KCNN2: variants seen among roughly 807,000 people sequenced by gnomAD.
KCNN2 encodes small conductance calcium-activated potassium channel protein 2.
KCNN2 carries 24 observed loss-of-function variants against 55.5 expected under a neutral mutation model. The ratio of observed to expected loss-of-function variants is 0.43; its 90% CI spans 0.31 to 0.61. KCNN2 has a LOEUF of 0.61. Among genes scored for constraint, KCNN2 ranks in the 20% least tolerant of loss-of-function variants. The pLI, the probability that KCNN2 is intolerant of heterozygous loss-of-function variation, is 0.08. For missense variants in KCNN2, 754 were observed against 853.6 expected, an observed-to-expected ratio of 0.88 and a Z score of 1.45; for synonymous variants, 431 against 336.1, an observed-to-expected ratio of 1.28 and a Z score of -3.09.
chr5:114,175,515 A>G (rs1308923126), intron 1 of KCNN2, among the ~76,000 whole-genome samples: 1 of 152,152 alleles, frequency 6.6e-6, no homozygotes, highest in Non-Finnish European at 1.5e-5. Flanking sequence ...ACTTTTGTTG[A>G]TATACTCAAA....
intron 4 of KCNN2, among the ~76,000 whole-genome samples, chr5:114,471,293 CCT>C (rs1315766910): frequency 6.7e-6 from 1 of 148,930 alleles, no homozygotes; most frequent in African/African-American, 2.5e-5. Flanking sequence ...CTAGGTACAT[CCT>C]CCTGTGTACT....
At chr5:114,371,337 TGA>T (rs1186711212) in intron 2 of KCNN2, among the ~76,000 whole-genome samples, 1 of 152,128 alleles carries the variant, frequency 6.6e-6, no homozygotes. Flanking sequence ...ATGAAATCAC[TGA>T]GAGAGAATAG....
At chr5:114,332,914 T>C (rs1364485922) in intron 2 of KCNN2, among the ~76,000 whole-genome samples, 1 of 152,028 alleles carries the variant, frequency 6.6e-6, no homozygotes. Flanking sequence ...TGGGAAGGAG[T>C]CCTCTCAATG....
intron 2 of KCNN2, among the ~76,000 whole-genome samples, chr5:114,304,750 A>C (rs1756233975): frequency 6.6e-6 from 1 of 152,228 alleles, no homozygotes; most frequent in South Asian, 2.1e-4. Context: ...CCCTTCTTCC[A>C]TGGAACCCCC....
chr5:114,188,620 C>G (rs1753386495), intron 1 of KCNN2, among the ~76,000 whole-genome samples: 1 of 152,066 alleles, frequency 6.6e-6, no homozygotes, highest in Non-Finnish European at 1.5e-5. Context: ...ATTCAGCAAG[C>G]TTTTTGAATG....
chr5:114,168,227 C>A (rs1752960672), intron 1 of KCNN2, among the ~76,000 whole-genome samples: 1 of 151,506 alleles, frequency 6.6e-6, no homozygotes, highest in Non-Finnish European at 1.5e-5. Context: ...GATAAATACA[C>A]ACACATATAC....
chr5:114,368,144 C>T (rs936610825), intron 2 of KCNN2, among the ~76,000 whole-genome samples: 5 of 152,162 alleles, frequency 3.3e-5, no homozygotes, highest in Admixed American at 2.0e-4. Context: ...AACCCTCATA[C>T]AGACGGTTGA....
chr5:114,422,177 GC>G (rs1377263961), intron 3 of KCNN2, among the ~76,000 whole-genome samples: 2 of 152,266 alleles, frequency 1.3e-5, no homozygotes, highest in African/African-American at 2.4e-5. Context: ...AATCAAGGGG[GC>G]TATTTTAGAC....
At chr5:114,246,641 G>T (rs1346717532) in intron 2 of KCNN2, among the ~76,000 whole-genome samples, 6 of 152,058 alleles carry the variant, frequency 3.9e-5, no homozygotes, top group African/African-American at 1.4e-4. Flanking sequence ...AACTAAACAG[G>T]TATTTGTGAT....
intron 2 of KCNN2, among the ~76,000 whole-genome samples, chr5:114,222,328 A>T (rs1754157742): frequency 6.6e-6 from 1 of 152,186 alleles, no homozygotes; most frequent in African/African-American, 2.4e-5. Flanking sequence ...TACCAAAGGC[A>T]GCCTCAAAGA....
chr5:114,100,680 AC>A (rs1252855721), intron 1 of KCNN2, among the ~76,000 whole-genome samples: 15 of 152,092 alleles, frequency 9.9e-5, no homozygotes, highest in African/African-American at 3.4e-4. Flanking sequence ...TGGAGCCCAG[AC>A]TTTGATTTCT....
At chr5:114,282,028 T>C (rs1755635057) in intron 2 of KCNN2, among the ~76,000 whole-genome samples, 2 of 152,152 alleles carry the variant, frequency 1.3e-5, no homozygotes, top group Admixed American at 1.3e-4. Context: ...TAAATGCTTT[T>C]GTGATGCCAT....
At position 114,247,576 on chromosome 5, in the gene KCNN2, A is replaced by T. The variant is rs138620976; in HGVS notation, c.-185+26011A>T. Among the ~76,000 whole-genome samples the T allele has an allele frequency of 5.9e-5, 9 of 152,360 alleles. No homozygotes were observed. In the East Asian group the frequency reaches 1.7e-3, roughly 29 times the overall value. On this transcript the variant is annotated intron_variant, in intron 2 of 10. Coordinates refer to the KCNN2 transcript ENST00000512097. The stretch of plus-strand genomic sequence containing the variant: ...TAGATTAAGTATCCACTTTCAACTT[A>T]CTTATCAAATATTAGATCAACTATA...
intron 2 of KCNN2, among the ~76,000 whole-genome samples, chr5:114,377,554 G>C (rs1561595322): frequency 6.6e-6 from 1 of 152,198 alleles, no homozygotes; most frequent in African/African-American, 2.4e-5. Context: ...AGCAGGGTGT[G>C]GGTGGCAGCA....
chr5:114,299,161 A>G (rs1263212890), intron 2 of KCNN2, among the ~76,000 whole-genome samples: 1 of 132,996 alleles, frequency 7.5e-6, no homozygotes. Flanking sequence ...TGTTCTTTCC[A>G]TCTCTGCATC....
chr5:114,152,146 G>A (rs915149509), intron 1 of KCNN2, among the ~76,000 whole-genome samples: 5 of 152,052 alleles, frequency 3.3e-5, no homozygotes, highest in African/African-American at 9.7e-5. Flanking sequence ...TCTCATTATA[G>A]TTCCAATTAC....
chr5:114,148,735 T>G (rs557109340), intron 1 of KCNN2, among the ~76,000 whole-genome samples: 1 of 152,154 alleles, frequency 6.6e-6, no homozygotes, highest in African/African-American at 2.4e-5. Context: ...CATATACAGG[T>G]TCCAAGATAG....
chr5:114,127,158 G>T (rs566552979), intron 1 of KCNN2, among the ~76,000 whole-genome samples: 2 of 152,216 alleles, frequency 1.3e-5, no homozygotes, highest in East Asian at 3.9e-4. Flanking sequence ...TACCATTCTG[G>T]GGTCTAGAGG....
chr5:114,083,260 T>A (rs1750862664), intron 1 of KCNN2, among the ~76,000 whole-genome samples: 1 of 152,074 alleles, frequency 6.6e-6, no homozygotes, highest in African/African-American at 2.4e-5. Flanking sequence ...TGTTGATTTT[T>A]GTATCTTTAT....
Sources: gnomAD v4.1 joint callset for allele counts (sites outside exome capture counted in the v4.1 genomes callset) on GRCh38, gnomAD v4.1.1 for gene constraint, MANE v1.5 for transcripts, NCBI Gene and HGNC (gene_info 2026-07-23, HGNC 2026-07-21) for gene names.